GXYLT2: variants seen among roughly 807,000 people sequenced by gnomAD.
GXYLT2 encodes glycosyltransferase 8 domain containing 4.
GXYLT2 carries 53 observed loss-of-function variants against 45.8 expected under a neutral mutation model. The observed-to-expected ratio is 1.16, with a 90% CI of 0.93 to 1.46. GXYLT2 has a LOEUF of 1.46. GXYLT2 is among the 40% of genes most tolerant of loss of function. The pLI is 0.00. For missense variants in GXYLT2, 551 were observed against 544.4 expected (o/e 1.01, Z -0.12); for synonymous variants, 219 against 214.2 (o/e 1.02, Z -0.19).
chr3:72,929,319 A>G (rs1709980192), intron 3 of GXYLT2: 2 of 1,149,192 alleles, frequency 1.7e-6, no homozygotes, highest in Admixed American at 1.7e-5. Context: ...GACTGTGACG[A>G]CTGGGAGAGC....
chr3:72,974,782 C>T (rs1329939984), intron 6 of GXYLT2, among the ~76,000 whole-genome samples, 195 bp from the exon 7 acceptor site: 1 of 151,946 alleles, frequency 6.6e-6, no homozygotes, highest in Non-Finnish European at 1.5e-5. Context: ...AACTGAGGTT[C>T]GGAGAGTTTA....
At chr3:72,929,076 G>A (rs1295378485) in intron 3 of GXYLT2, 2 of 1,588,884 alleles carry the variant, frequency 1.3e-6, no homozygotes, top group African/African-American at 1.3e-5. Context: ...GTGCGCCAGA[G>A]CTACCACCAG....
intron 1 of GXYLT2, among the ~76,000 whole-genome samples, chr3:72,906,024 A>T (rs1243732486): frequency 6.6e-6 from 1 of 152,198 alleles, no homozygotes; most frequent in African/African-American, 2.4e-5. Flanking sequence ...GTCCATTTGA[A>T]TCATATGCAT....
At position 72,947,753 on chromosome 3, in the gene GXYLT2, G is replaced by GTC; in HGVS notation, c.601-7344_601-7343dup. Among the ~76,000 whole-genome samples the GTC allele has an allele frequency of 2.0e-5, 3 of 152,104 alleles. No individual in the cohort carries two copies. The Middle Eastern group carries it at 0.01, about 517-fold the overall frequency. The stretch of plus-strand genomic sequence containing the variant: ...GAGGCGGAGGTTGCAGTGAGCCAAG[G>GTC]TCACACCATTGCACTTCCAGCCTGG... On this transcript the variant is annotated intron_variant, in intron 3 of 6. Coordinates refer to ENST00000389617, the MANE Select transcript of GXYLT2 (RefSeq NM_001080393.2).
chr3:72,940,023 T>A (rs1710271876), intron 3 of GXYLT2, among the ~76,000 whole-genome samples: 1 of 152,102 alleles, frequency 6.6e-6, no homozygotes, highest in Admixed American at 6.6e-5. Context: ...CCAGGCGCTG[T>A]GGCTCACACC....
intron 2 of GXYLT2, among the ~76,000 whole-genome samples, chr3:72,913,549 G>A (rs914962912): frequency 4.6e-5 from 7 of 151,810 alleles, no homozygotes; most frequent in African/African-American, 1.2e-4. Flanking sequence ...ACAAAAATTA[G>A]CCAGGCTTAG....
intron 3 of GXYLT2, among the ~76,000 whole-genome samples, chr3:72,942,687 G>C (rs1306860055): frequency 6.6e-6 from 1 of 150,766 alleles, no homozygotes; most frequent in East Asian, 1.9e-4. Context: ...GAAAACATCA[G>C]ACACCCAAAT....
At position 72,976,108 on chromosome 3, in the gene GXYLT2, T is replaced by A. The variant is rs575285679; in HGVS notation, c.*949T>A. ...CACCACACCCGGCTAATTTTTGTAT[T>A]TTTAGTAGAGACACGGTTTTACCAT... On this transcript the variant is annotated 3_prime_UTR_variant, in exon 7 of 7. Coordinates refer to ENST00000389617, the MANE Select transcript of GXYLT2 (RefSeq NM_001080393.2). The A allele has an allele frequency of 1.5e-4, 23 of 151,868 alleles. No homozygotes were observed. The highest frequency in any genetic ancestry group is 5.3e-4 in the African/African-American group (22 of 41,396). The allele number at this position is 151,868 out of a possible 1,614,324, so 9.4% of individuals were successfully genotyped here.
At chr3:72,937,927 G>A (rs868713934) in intron 3 of GXYLT2, among the ~76,000 whole-genome samples, 6 of 151,482 alleles carry the variant, frequency 4.0e-5, no homozygotes, top group East Asian at 1.9e-4. Context: ...TTATTTTTTC[G>A]CTTTTCTCAG....
At chr3:72,964,322 T>TTTTTC (rs1395257858) in intron 5 of GXYLT2, among the ~76,000 whole-genome samples, 2 of 151,978 alleles carry the variant, frequency 1.3e-5, no homozygotes, top group African/African-American at 2.4e-5. Flanking sequence ...TCTCTCTTTT[T>TTTTTC]TTTTCTTTTC....
chr3:72,915,832 C>G (rs1325496772), intron 2 of GXYLT2, among the ~76,000 whole-genome samples: 1 of 125,060 alleles, frequency 8.0e-6, no homozygotes, highest in Non-Finnish European at 1.7e-5. Flanking sequence ...GACCCTGTCT[C>G]AAAAAAAAAA....
In GXYLT2 at chr3:72,966,458, CTTTTTTTTTT is replaced by C. The variant is rs10662974; in HGVS notation, c.977-1077_977-1068del. Among the ~76,000 whole-genome samples the C allele has an allele frequency of 5.9e-5, 6 of 101,640 alleles. No homozygotes were observed. The Admixed American group carries it at 6.5e-4, about 11-fold the overall frequency. The allele number at this position is 101,640 out of a possible 152,430, so 66.7% of individuals were successfully genotyped here. On this transcript the variant is annotated intron_variant, in intron 5 of 6. Transcript: ENST00000389617. ...ATTTTTGACATTTTTTTGTGTGTAT[CTTTTTTTTTT>C]TTTTTTTTTTTGATACAGGATCTCA...
intron 2 of GXYLT2, among the ~76,000 whole-genome samples, chr3:72,915,455 C>G (rs111296962): frequency 6.8e-6 from 1 of 148,128 alleles, no homozygotes; most frequent in Non-Finnish European, 1.5e-5. Flanking sequence ...AGATTTTTTC[C>G]GTGTTGCTCT....
intron 6 of GXYLT2, among the ~76,000 whole-genome samples, chr3:72,972,970 G>A (rs181623864): frequency 3.3e-5 from 5 of 152,122 alleles, no homozygotes; most frequent in Admixed American, 6.5e-5. Flanking sequence ...CATGGCAAGT[G>A]CCTGTGGTCC....
At chr3:72,926,775 G>C (rs141355981) in intron 3 of GXYLT2, among the ~76,000 whole-genome samples, 142 of 152,312 alleles carry the variant, frequency 9.3e-4, no homozygotes, top group Middle Eastern at 3.4e-3. Flanking sequence ...AGAACCTTTA[G>C]AGACATTATT....
chr3:72,889,839 A>G (rs929488491), intron 1 of GXYLT2, among the ~76,000 whole-genome samples: 5 of 151,894 alleles, frequency 3.3e-5, no homozygotes, highest in Admixed American at 3.3e-4. Context: ...AACACTTAAC[A>G]TATACAACTA....
At chr3:72,925,648 C>T (rs1709905841) in intron 3 of GXYLT2, among the ~76,000 whole-genome samples, 1 of 151,982 alleles carries the variant, frequency 6.6e-6, no homozygotes, top group African/African-American at 2.4e-5. Context: ...ATTAGAAAAC[C>T]AAAGGTAATG....
intron 6 of GXYLT2, among the ~76,000 whole-genome samples, chr3:72,974,628 TA>T (rs1711056392): frequency 6.6e-6 from 1 of 152,162 alleles, no homozygotes; most frequent in African/African-American, 2.4e-5. Flanking sequence ...TATTCTTTTT[TA>T]ATGAGATGGG....
At chr3:72,923,129 T>C (rs1709858408) in intron 3 of GXYLT2, among the ~76,000 whole-genome samples, 1 of 152,026 alleles carries the variant, frequency 6.6e-6, no homozygotes, top group Admixed American at 6.6e-5. Flanking sequence ...GTGGTGTATG[T>C]CTGTAATCCC....
Sources: allele counts gnomAD v4.1 joint callset (sites outside exome capture counted in the v4.1 genomes callset), GRCh38; gene constraint gnomAD v4.1.1; transcripts MANE v1.5; gene names NCBI Gene and HGNC (gene_info 2026-07-23, HGNC 2026-07-21).